Variants in CREBRF observed in about 807,000 individuals in gnomAD.
CREBRF encodes the protein UPF0474 protein C5orf41.
Under a neutral mutation model 66.1 loss-of-function variants are expected in CREBRF, and 5 were observed. The ratio of observed to expected loss-of-function variants is 0.08; its 90% confidence interval spans 0.04 to 0.16. CREBRF has a LOEUF of 0.16. Among genes scored for constraint, CREBRF ranks in the 10% least tolerant of loss-of-function variants. The pLI is 1.00. For missense variants in CREBRF, 531 were observed against 744.9 expected (o/e 0.71, Z 3.34); for synonymous variants, 229 against 264.4 (o/e 0.87, Z 1.30).
intron 1 of CREBRF, among the ~76,000 whole-genome samples, chr5:173,059,256 C>T (rs1162054485): frequency 4.2e-5 from 5 of 117,662 alleles, no homozygotes; most frequent in African/African-American, 9.6e-5. Context: ...TCTTCTTTTT[C>T]TTTTTTTTCT....
intron 1 of CREBRF, 108 bp from the exon 2 acceptor site, chr5:173,080,477 A>C (rs532655933): frequency 2.5e-6 from 1 of 396,626 alleles, no homozygotes; most frequent in South Asian, 4.3e-5. Flanking sequence ...TACTCATTTA[A>C]AGTACAGTAT....
intron 1 of CREBRF, among the ~76,000 whole-genome samples, chr5:173,064,208 A>G (rs1757366706): frequency 6.6e-6 from 1 of 151,962 alleles, no homozygotes; most frequent in Admixed American, 6.6e-5. Context: ...TGCCTTTTCT[A>G]TTATAGGTTA....
chr5:173,131,525 T>C (rs1044370385), intron 8 of CREBRF, among the ~76,000 whole-genome samples: 1 of 152,230 alleles, frequency 6.6e-6, no homozygotes, highest in East Asian at 1.9e-4. Flanking sequence ...TTGTAAAATG[T>C]CTCAACATTT....
chr5:173,084,122 C>CA (rs1758053770), intron 2 of CREBRF, among the ~76,000 whole-genome samples: 1 of 152,060 alleles, frequency 6.6e-6, no homozygotes, highest in African/African-American at 2.4e-5. Context: ...AGGCAACTTT[C>CA]AAAAAGGAGT....
At chr5:173,100,633 C>T (rs902844560) in intron 4 of CREBRF, among the ~76,000 whole-genome samples, 4 of 151,820 alleles carry the variant, frequency 2.6e-5, no homozygotes, top group Non-Finnish European at 5.9e-5. Context: ...CATGTTGGCC[C>T]GGCTAGTCTC....
chr5:173,106,571 CTTT>C (rs918261328), intron 4 of CREBRF, among the ~76,000 whole-genome samples: 2 of 152,114 alleles, frequency 1.3e-5, no homozygotes, highest in Non-Finnish European at 2.9e-5. Context: ...AATCATTCTG[CTTT>C]CCAAATTGAT....
chr5:173,097,323 G>C (rs1009459482), intron 4 of CREBRF, among the ~76,000 whole-genome samples: 1 of 152,090 alleles, frequency 6.6e-6, no homozygotes, highest in African/African-American at 2.4e-5. Context: ...TCGGCTCACT[G>C]CAATTTTCGC....
intron 8 of CREBRF, among the ~76,000 whole-genome samples, chr5:173,133,323 G>A (rs954005147): frequency 1.3e-5 from 2 of 152,156 alleles, no homozygotes; most frequent in African/African-American, 2.4e-5. Context: ...AGTGCCTGTC[G>A]GCAGCCTTTG....
intron 2 of CREBRF, among the ~76,000 whole-genome samples, chr5:173,084,998 A>G (rs977725442): frequency 1.1e-4 from 16 of 151,836 alleles, no homozygotes; most frequent in African/African-American, 3.9e-4. Context: ...ACTGGAGTGC[A>G]ATGGCACAAT....
intron 7 of CREBRF, among the ~76,000 whole-genome samples, chr5:173,115,774 T>G (rs1023033514): frequency 2.0e-5 from 3 of 151,924 alleles, no homozygotes; most frequent in Non-Finnish European, 2.9e-5. Flanking sequence ...CCGGCTAATT[T>G]TATTTTTTTG....
intron 1 of CREBRF, among the ~76,000 whole-genome samples, chr5:173,064,612 C>T (rs557318804): frequency 1.4e-5 from 2 of 145,586 alleles, no homozygotes; most frequent in African/African-American, 5.2e-5. Context: ...GTCGCCCAGG[C>T]GGAGTGCAAT....
intron 5 of CREBRF, chr5:173,110,096 A>G (rs1000945889): frequency 1.5e-4 from 34 of 231,800 alleles, no homozygotes; most frequent in Non-Finnish European, 6.1e-5. Context: ...CAGTTTTCAG[A>G]CGTAGCATCA....
chr5:173,138,248 A>T lies in CREBRF; in HGVS notation c.*4503A>T, dbSNP rs1018976324. On this transcript the variant is annotated 3_prime_UTR_variant, in exon 9 of 9. Coordinates refer to ENST00000296953, the MANE Select transcript of CREBRF (RefSeq NM_153607.3). ...CATGTTTTTTTAATACTTCAAACAC[A>T]TTGGGATGTAACAATGAATGTCAAC... 1 of 152,144 alleles carries T rather than the reference A, an allele frequency of 6.6e-6. No individual in the cohort carries two copies. The highest frequency in any genetic ancestry group is 1.9e-4 in the East Asian group (1 of 5,194). The allele number at this position is 152,144 out of a possible 1,614,324, so 9.4% of individuals were successfully genotyped here.
intron 2 of CREBRF, among the ~76,000 whole-genome samples, chr5:173,085,114 C>T (rs1261139434): frequency 2.0e-5 from 3 of 150,802 alleles, no homozygotes; most frequent in African/African-American, 4.9e-5. Flanking sequence ...GACTAATTTT[C>T]GTATTTTTAG....
intron 2 of CREBRF, among the ~76,000 whole-genome samples, chr5:173,081,604 G>A (rs1757944531): frequency 6.6e-6 from 1 of 152,108 alleles, no homozygotes; most frequent in Non-Finnish European, 1.5e-5. Flanking sequence ...GGTAAAGAAA[G>A]GGGACTTGGT....
chr5:173,100,078 T>TTGTGTGTGTGTGTGTG (rs749558283), intron 4 of CREBRF, among the ~76,000 whole-genome samples: 2 of 69,132 alleles, frequency 2.9e-5, no homozygotes, highest in Non-Finnish European at 5.4e-5. Flanking sequence ...GGCTAATCTT[T>TTGTGTGTGTGTGTGTG]TGTGTGTGTG....
chr5:173,060,253 C>T (rs1423604585), intron 1 of CREBRF: 1 of 138,930 alleles, frequency 7.2e-6, no homozygotes, highest in Non-Finnish European at 1.5e-5. Flanking sequence ...TTTTTTGAGA[C>T]GGAGTCTAAC....
intron 4 of CREBRF, among the ~76,000 whole-genome samples, chr5:173,101,551 G>GTTT (rs760914746): frequency 1.4e-5 from 2 of 142,838 alleles, no homozygotes; most frequent in Non-Finnish European, 1.5e-5. Context: ...TCTTAGTGAA[G>GTTT]TTTTTTTTTT....
intron 1 of CREBRF, among the ~76,000 whole-genome samples, chr5:173,069,192 T>G (rs1014747063): frequency 6.6e-6 from 1 of 152,086 alleles, no homozygotes; most frequent in African/African-American, 2.4e-5. Flanking sequence ...AGCCACCATT[T>G]ATTGAGTGTC....
Sources: gnomAD v4.1 joint callset for allele counts (sites outside exome capture counted in the v4.1 genomes callset) on GRCh38, gnomAD v4.1.1 for gene constraint, MANE v1.5 for transcripts, NCBI Gene and HGNC (gene_info 2026-07-23, HGNC 2026-07-21) for gene names.